Variants in MAPT observed in about 807,000 individuals in gnomAD.
MAPT encodes the protein microtubule associated protein tau, also known as microtubule-associated protein tau.
MAPT carries 34 observed loss-of-function variants against 67.9 expected under a neutral mutation model. The observed-to-expected ratio is 0.50, with a 90% CI of 0.38 to 0.67. The LOEUF is 0.67. Among genes scored for constraint, MAPT ranks in the 30% least tolerant of loss-of-function variants. MAPT has a pLI of 0.00. For synonymous variants in MAPT, 456 were observed against 464.5 expected, an observed-to-expected ratio of 0.98 and a Z score of 0.23; for missense variants, 881 against 1,115.2, an observed-to-expected ratio of 0.79 and a Z score of 2.99.
At chr17:45,970,826 G>A (rs185795368) in intron 2 of MAPT, among the ~76,000 whole-genome samples, 57 of 152,302 alleles carry the variant, frequency 3.7e-4, no homozygotes, top group African/African-American at 1.3e-3. Context: ...GGACCCTATC[G>A]GCTGGCCATG....
intron 6 of MAPT, among the ~76,000 whole-genome samples, chr17:45,988,109 G>A (rs897097853): frequency 2.0e-5 from 3 of 152,106 alleles, no homozygotes; most frequent in South Asian, 2.1e-4. Context: ...AGGAGGAGTC[G>A]TCAATACCCC....
At chr17:45,985,706 G>C (rs1485421751) in intron 5 of MAPT, 39 of 985,314 alleles carry the variant, frequency 4.0e-5, no homozygotes, top group Non-Finnish European at 4.5e-5. Flanking sequence ...TTGTTGTGCC[G>C]TGGATGGTGC....
At position 45,983,703 on chromosome 17, in the gene MAPT, A is replaced by C. The variant is rs751085985; in HGVS notation, c.1124A>C (p.Glu375Ala). ...GCCAAAGGGCAGGATGCCCCCCTGG[A>C]GTTCACGTTTCACGTGGAAATCACA... Reference protein sequence around the residue: ...GRAKGQDAPLEFTFHVEITPN... With the variant: ...GRAKGQDAPLAFTFHVEITPN... The change falls in exon 5 of 13, where the codon GAG (glutamate) becomes GCG (alanine). Residue 375 changes from glutamate to alanine, a missense_variant. Glu to Ala is a moderately radical substitution (Grantham distance 107). Transcript: ENST00000262410. 1 of 1,614,110 alleles carries C rather than the reference A, an allele frequency of 6.2e-7. No homozygotes were observed. The highest frequency in any genetic ancestry group is 8.5e-7 in the Non-Finnish European group (1 of 1,179,994).
intron 3 of MAPT, chr17:45,975,862 G>A (rs1433274157): frequency 2.0e-5 from 3 of 152,108 alleles, no homozygotes; most frequent in Non-Finnish European, 2.9e-5. Context: ...CCTGGTGTGA[G>A]CTGCGTCACA....
At chr17:45,932,250 A>G (rs2066908901) in intron 1 of MAPT, among the ~76,000 whole-genome samples, 1 of 152,188 alleles carries the variant, frequency 6.6e-6, no homozygotes, top group Non-Finnish European at 1.5e-5. Flanking sequence ...ACAGAGATGG[A>G]AAATGCAAAT....
chr17:45,904,703 T>G (rs367820416), intron 1 of MAPT, among the ~76,000 whole-genome samples: 21,656 of 151,528 alleles, frequency 0.14, 2,106 homozygotes, highest in Non-Finnish European at 0.22. Flanking sequence ...AAACTTTTTT[T>G]TTTTAATTCT....
chr17:45,983,096 G>C lies in MAPT; in HGVS notation c.517G>C (p.Glu173Gln). Residue 173 changes from glutamate (E) to glutamine (Q), a missense_variant, in exon 5 of 13, where the codon GAG becomes CAG. By Grantham distance (29) the Glu-to-Gln change is conservative. This residue lies in a region of MAPT where 687 missense variants were observed against 766.1 expected (regional missense o/e 0.90). Transcript: ENST00000262410. ...AGGAGGCCCTCAGGAGCCCTCCCTG[G>C]AGTGGGGACAAAAAGGCGGGGACTG... ...PTGGPQEPSL[E>Q]WGQKGGDWAE... The C allele has an allele frequency of 9.0e-6, 14 of 1,552,224 alleles. No homozygotes were observed. Among genetic ancestry groups the C allele is most frequent in the Non-Finnish European group, 1.2e-5 (14 of 1,146,720 alleles).
intron 3 of MAPT, chr17:45,976,973 C>G (rs920260711): frequency 6.6e-6 from 1 of 152,432 alleles, no homozygotes; most frequent in Non-Finnish European, 1.5e-5. Flanking sequence ...GTCAGAAACT[C>G]AGGCCGAATC....
At chr17:45,942,471 C>T (rs145540890) in intron 1 of MAPT, among the ~76,000 whole-genome samples, 8 of 152,358 alleles carry the variant, frequency 5.3e-5, no homozygotes, top group Non-Finnish European at 8.8e-5. Context: ...CACCACGTGT[C>T]GTGGGTACTG....
intron 1 of MAPT, among the ~76,000 whole-genome samples, chr17:45,920,524 G>A (rs1038301376): frequency 1.5e-4 from 23 of 152,262 alleles, no homozygotes; most frequent in Non-Finnish European, 3.1e-4. Flanking sequence ...CTGCCTCAAG[G>A]GGTCTCCTCT....
chr17:45,934,894 T>C (rs62061718), intron 1 of MAPT, among the ~76,000 whole-genome samples: 21,622 of 151,874 alleles, frequency 0.14, 2,089 homozygotes, highest in Middle Eastern at 0.22. Context: ...TCCCCCCCGC[T>C]TCTTAGAAGG....
chr17:45,911,774 A>AC (rs1488490250), intron 1 of MAPT, among the ~76,000 whole-genome samples: 3 of 147,372 alleles, frequency 2.0e-5, no homozygotes, highest in Non-Finnish European at 4.6e-5. Flanking sequence ...AAAAAAACAA[A>AC]CAAACAACAA....
At chr17:46,008,693 A>C (rs1598374651) in intron 9 of MAPT, among the ~76,000 whole-genome samples, 1 of 152,302 alleles carries the variant, frequency 6.6e-6, no homozygotes, top group Non-Finnish European at 1.5e-5. Context: ...GGGAAAAAAA[A>C]CGGGATGAAC....
chr17:45,944,441 G>C (rs2068275216), intron 1 of MAPT, among the ~76,000 whole-genome samples: 1 of 152,230 alleles, frequency 6.6e-6, no homozygotes, highest in South Asian at 2.1e-4. Context: ...CATTCCAGGA[G>C]AGGGGTTGGG....
Position 45,996,000 on chromosome 17 carries a change from C to T in MAPT, c.1733-399C>T, listed in dbSNP as rs948863732. On this transcript the variant is annotated intron_variant, in intron 8 of 12. Transcript: ENST00000262410. This position sits in a 1 kb window ranked among gnomAD's most constrained non-coding sequence, Gnocchi z 4.3. ...TACCACCTCCTGGAGCCACGCTGGC[C>T]GCAGGGATTATAATTATTTCCATTT... is the stretch of plus-strand genomic sequence containing the variant. Among the ~76,000 whole-genome samples the T allele has an allele frequency of 1.3e-5, 2 of 152,098 alleles. No homozygotes were observed. The highest frequency in any genetic ancestry group is 6.5e-5 in the Admixed American group (1 of 15,274).
chr17:45,959,231 C>T (rs755902460), intron 1 of MAPT, among the ~76,000 whole-genome samples: 2 of 152,168 alleles, frequency 1.3e-5, no homozygotes, highest in Non-Finnish European at 2.9e-5. Flanking sequence ...CCACTGCCAA[C>T]GTCCTGCACC....
chr17:45,941,741 T>TCCTTCCTTCCTTCCTG (rs2068012933), intron 1 of MAPT, among the ~76,000 whole-genome samples: 1 of 129,532 alleles, frequency 7.7e-6, no homozygotes, highest in African/African-American at 2.9e-5. Flanking sequence ...CTTCCTTCCT[T>TCCTTCCTTCCTTCCTG]CCTTCCTTCC....
At chr17:45,920,647 T>C (rs2065619323) in intron 1 of MAPT, among the ~76,000 whole-genome samples, 1 of 152,170 alleles carries the variant, frequency 6.6e-6, no homozygotes, top group Non-Finnish European at 1.5e-5. Flanking sequence ...TGGAGCACTC[T>C]GACAAGGTCT....
Position 45,941,721 on chromosome 17 carries a change from T to G in MAPT, c.-17-20600T>G, listed in dbSNP as rs112860451. On this transcript the variant is annotated intron_variant, in intron 1 of 12. Transcript: ENST00000262410. Reference sequence around the variant, plus strand: ...TTCCTGCCTGCCTTCCTTCCTTCCTTCCTTCCTTCCTTCCTTCCTTCCTTC... The same window carrying G: ...TTCCTGCCTGCCTTCCTTCCTTCCTGCCTTCCTTCCTTCCTTCCTTCCTTC... 8.2e-3 allele frequency among the ~76,000 whole-genome samples: 1,025 copies of G among 124,614 alleles called. 26 individuals are homozygous for G. Among genetic ancestry groups the G allele is most frequent in the East Asian group, 0.012 (48 of 3,854 alleles). The allele number at this position is 124,614 out of a possible 152,430, so 81.8% of individuals were successfully genotyped here. A position where few individuals can be genotyped will look rare whatever the true frequency, so the allele number is the denominator to read the frequency against.
Sources: allele counts gnomAD v4.1 joint callset (sites outside exome capture counted in the v4.1 genomes callset), GRCh38; gene constraint gnomAD v4.1.1; regional missense constraint gnomAD v4.1.1; non-coding constraint Gnocchi (gnomAD v3.1); transcripts MANE v1.5; gene names NCBI Gene and HGNC (gene_info 2026-07-23, HGNC 2026-07-21).